The following SUGCT variants were observed in gnomAD, a reference collection of about 807,000 sequenced individuals.
SUGCT encodes the protein succinyl-CoA:glutarate CoA-transferase.
Under a neutral mutation model 55.0 loss-of-function variants are expected in SUGCT, and 41 were observed. The observed-to-expected ratio is 0.74, with a 90% CI of 0.58 to 0.97. SUGCT has a LOEUF of 0.97. Ranked by LOEUF, SUGCT falls within the 50% of genes least tolerant of loss-of-function variation. SUGCT has a pLI of 0.00. For missense variants in SUGCT, 568 were observed against 547.8 expected (o/e 1.04, Z -0.37); for synonymous variants, 187 against 200.4 (o/e 0.93, Z 0.56).
At chr7:40,485,417 CTTTTTTTT>C (rs397889166) in intron 11 of SUGCT, among the ~76,000 whole-genome samples, 2 of 74,418 alleles carry the variant, frequency 2.7e-5, no homozygotes, top group African/African-American at 1.0e-4. Context: ...TATATACATT[CTTTTTTTT>C]TTTTTTTTTT....
chr7:40,271,774 T>G (rs1792032919), intron 7 of SUGCT, among the ~76,000 whole-genome samples: 1 of 152,048 alleles, frequency 6.6e-6, no homozygotes, highest in Non-Finnish European at 1.5e-5. Flanking sequence ...ACAACAATTC[T>G]TATTTCTTCC....
rs550733307 is a variant in SUGCT at position 40,821,194 on chromosome 7, A to G, written c.1154-39122A>G. The stretch of plus-strand genomic sequence containing the variant: ...TATTTTATTGAGGATTTTTGCATCA[A>G]TGTTCATCAGGGATGTTTGTCTAAA... On this transcript the variant is annotated intron_variant, in intron 13 of 13. Coordinates refer to ENST00000335693, the MANE Select transcript of SUGCT (RefSeq NM_001193313.2). Among the ~76,000 whole-genome samples the G allele has an allele frequency of 2.0e-5, 3 of 152,300 alleles. No homozygotes were observed. In the South Asian group the frequency reaches 6.2e-4, roughly 32 times the overall value.
intron 13 of SUGCT, among the ~76,000 whole-genome samples, chr7:40,787,075 A>G (rs1231840060): frequency 6.6e-6 from 1 of 152,236 alleles, no homozygotes; most frequent in Non-Finnish European, 1.5e-5. Context: ...TCCTGGGCAG[A>G]TATGAAAGAA....
chr7:40,279,672 G>A (rs375578189), intron 8 of SUGCT, among the ~76,000 whole-genome samples: 12 of 151,976 alleles, frequency 7.9e-5, no homozygotes, highest in South Asian at 4.2e-4. Flanking sequence ...TTATGATAAC[G>A]TTTCATAATA....
In SUGCT at chr7:40,588,586, G is replaced by A. The variant is rs532585333; in HGVS notation, c.1089+92200G>A. On this transcript the variant is annotated intron_variant, in intron 12 of 13. Transcript: ENST00000335693. ...TTCAAGAGTGATTAATCTTAATAAA[G>A]AACTATAAACAATATTAATTAATGA... Among the ~76,000 whole-genome samples the A allele has an allele frequency of 3.3e-5, 5 of 152,124 alleles. No individual in the cohort carries two copies. In the South Asian group the frequency reaches 1.0e-3, roughly 32 times the overall value.
chr7:40,285,785 C>A (rs79702393), intron 8 of SUGCT, among the ~76,000 whole-genome samples: 4,031 of 152,106 alleles, frequency 0.027, 82 homozygotes, highest in South Asian at 0.069. Context: ...ATTGGTTTGT[C>A]GGCTAGAGTC....
chr7:40,869,466 T>G, the SUGCT span, among the ~76,000 whole-genome samples: 6 of 152,198 alleles, frequency 3.9e-5, no homozygotes, highest in African/African-American at 1.4e-4. Flanking sequence ...TGAATCAGTT[T>G]GGAAGTGGAT....
At chr7:40,210,016 A>G (rs1012003906) in intron 6 of SUGCT, among the ~76,000 whole-genome samples, 1 of 152,024 alleles carries the variant, frequency 6.6e-6, no homozygotes, top group African/African-American at 2.4e-5. Context: ...AGAATCTGAC[A>G]TGTTCTCTTA....
At chr7:40,688,757 A>G (rs994190170) in intron 12 of SUGCT, among the ~76,000 whole-genome samples, 4 of 152,196 alleles carry the variant, frequency 2.6e-5, no homozygotes, top group African/African-American at 9.6e-5. Context: ...CATTTCTTGT[A>G]CTGAAATTAT....
At chr7:40,431,138 A>C (rs934917309) in intron 9 of SUGCT, among the ~76,000 whole-genome samples, 53 of 149,132 alleles carry the variant, frequency 3.6e-4, no homozygotes, top group African/African-American at 1.2e-3. Flanking sequence ...AAAAAAAAAA[A>C]AGTTAATGGC....
intron 12 of SUGCT, among the ~76,000 whole-genome samples, chr7:40,606,841 A>T (rs1482077396): frequency 2.0e-5 from 3 of 152,182 alleles, no homozygotes; most frequent in Non-Finnish European, 2.9e-5. Flanking sequence ...AGTTATATAC[A>T]TGATGGAGCA....
intron 12 of SUGCT, among the ~76,000 whole-genome samples, chr7:40,624,896 G>A (rs1202976207): frequency 6.6e-6 from 1 of 151,906 alleles, no homozygotes; most frequent in Non-Finnish European, 1.5e-5. Flanking sequence ...CATTTGAAGA[G>A]TTTCTCTGTA....
the SUGCT span, among the ~76,000 whole-genome samples, chr7:40,888,289 G>A: frequency 1.3e-5 from 2 of 152,026 alleles, no homozygotes; most frequent in Non-Finnish European, 2.9e-5. Context: ...ATATGCAAAT[G>A]CTTCTCCATG....
chr7:40,223,130 G>A (rs1383194291), intron 6 of SUGCT, among the ~76,000 whole-genome samples: 1 of 151,274 alleles, frequency 6.6e-6, no homozygotes, highest in Non-Finnish European at 1.5e-5. Context: ...GCATGATCTC[G>A]GCTCACCGCA....
chr7:40,684,119 C>T lies in SUGCT; in HGVS notation c.1090-65315C>T, dbSNP rs201987458. ...GGCCCATGGCCCCTTCCTTCATCTT[C>T]AAGGATCAGCAAGGGTGAGTTGAGC... On this transcript the variant is annotated intron_variant, in intron 12 of 13. Coordinates refer to ENST00000335693, the MANE Select transcript of SUGCT (RefSeq NM_001193313.2). 1.4e-5 allele frequency: 23 copies of T among 1,608,742 alleles called. 1 individual carries two copies. The highest frequency in any genetic ancestry group is 1.7e-4 in the Middle Eastern group (1 of 6,040).
intron 9 of SUGCT, among the ~76,000 whole-genome samples, chr7:40,365,306 G>A (rs370295975): frequency 0.018 from 2,720 of 151,300 alleles, 45 homozygotes; most frequent in South Asian, 0.062. Flanking sequence ...AGCCAATATC[G>A]TACTGAATGG....
At chr7:40,321,476 G>C (rs567189757) in intron 9 of SUGCT, among the ~76,000 whole-genome samples, 1 of 152,070 alleles carries the variant, frequency 6.6e-6, no homozygotes, top group Non-Finnish European at 1.5e-5. Flanking sequence ...TCTGCCTACC[G>C]AGTTCAAGTG....
chr7:40,658,421 A>G (rs557297465), intron 12 of SUGCT, among the ~76,000 whole-genome samples: 8 of 152,086 alleles, frequency 5.3e-5, no homozygotes, highest in Admixed American at 1.3e-4. Flanking sequence ...ATAATCCCAA[A>G]CTCGGCTTAA....
Position 40,496,329 on chromosome 7 carries a change from C to A in SUGCT, c.1032C>A (p.Gly344=), listed in dbSNP as rs757822867. The A allele has an allele frequency of 3.7e-6, 6 of 1,613,178 alleles. No individual in the cohort carries two copies. The highest frequency in any genetic ancestry group is 4.2e-6 in the Non-Finnish European group (5 of 1,179,434). ...LTSKWLYLFE[G]SGVPYGPINN... is the part of the protein sequence containing the mutation. ...GCAAGTGGTTATATCTTTTTGAAGGCAGTGGAGTCCCGTATGGCCCAATCA... is the reference window on the plus strand; with the variant it reads ...GCAAGTGGTTATATCTTTTTGAAGGAAGTGGAGTCCCGTATGGCCCAATCA... The change falls in exon 12 of 14, where the codon GGC becomes GGA. Residue 344 remains glycine, a synonymous_variant. Coordinates refer to ENST00000335693, the MANE Select transcript of SUGCT (RefSeq NM_001193313.2).
Sources: allele counts gnomAD v4.1 joint callset (sites outside exome capture counted in the v4.1 genomes callset), GRCh38; gene constraint gnomAD v4.1.1; transcripts MANE v1.5; gene names NCBI Gene and HGNC (gene_info 2026-07-23, HGNC 2026-07-21).